The following ETV6 variants were observed in gnomAD, a reference collection of about 807,000 sequenced individuals.
The protein encoded by ETV6 is transcription factor ETV6.
In ETV6, 16 loss-of-function variants were observed where a neutral mutation model predicts 51.1. That is an observed-to-expected ratio of 0.31 (90% confidence interval 0.21 to 0.48). ETV6 has a LOEUF of 0.48. Among genes scored for constraint, ETV6 ranks in the 20% least tolerant of loss-of-function variants. The pLI, the probability that ETV6 is intolerant of heterozygous loss-of-function variation, is 0.99. For missense variants in ETV6, 458 were observed against 594.8 expected (o/e 0.77, Z 2.39); for synonymous variants, 240 against 224.1 (o/e 1.07, Z -0.64).
chr12:11,884,409 TTTTCAACAGTG>T, intron 5 of ETV6, 25 bp from the exon 6 acceptor site: 1 of 1,612,346 alleles, frequency 6.2e-7, no homozygotes, highest in Non-Finnish European at 8.5e-7. Context: ...ACAAGAAACA[TTTTCAACAGTG>T]TTTTCTTGCC....
intron 2 of ETV6, among the ~76,000 whole-genome samples, chr12:11,822,590 G>A (rs756346426): frequency 7.2e-5 from 11 of 152,078 alleles, no homozygotes; most frequent in Non-Finnish European, 1.2e-4. Context: ...ACGGGCCTCC[G>A]GGTCTGTTAA....
chr12:11,702,390 G>T (rs1166236028), intron 1 of ETV6, among the ~76,000 whole-genome samples: 1 of 152,162 alleles, frequency 6.6e-6, no homozygotes, highest in Non-Finnish European at 1.5e-5. Context: ...AGAATGAATT[G>T]ATTTGTACAA....
At chr12:11,722,624 C>A (rs1020493752) in intron 1 of ETV6, among the ~76,000 whole-genome samples, 1 of 152,140 alleles carries the variant, frequency 6.6e-6, no homozygotes, top group Non-Finnish European at 1.5e-5. Context: ...AGAGTAAAGT[C>A]AGAAAAGCCA....
At position 11,891,131 on chromosome 12, in the gene ETV6, G is replaced by A. The variant is rs1167854389; in HGVS notation, c.*85G>A. The A allele has an allele frequency of 9.0e-7, 1 of 1,111,070 alleles. No individual in the cohort carries two copies. The highest frequency in any genetic ancestry group is 1.6e-5 in the African/African-American group (1 of 63,678). 68.8% of individuals were successfully genotyped at this position (1,111,070 alleles called of 1,614,324 possible). ...TGCTGGAAGTGTGACGGAGCAGGCGGGCTGAGGAGAGTGGAAAAGGAAGCG... is the reference window on the plus strand; with the variant it reads ...TGCTGGAAGTGTGACGGAGCAGGCGAGCTGAGGAGAGTGGAAAAGGAAGCG... On this transcript the variant is annotated 3_prime_UTR_variant, in exon 8 of 8. Coordinates refer to ENST00000396373, the MANE Select transcript of ETV6 (RefSeq NM_001987.5).
intron 4 of ETV6, among the ~76,000 whole-genome samples, chr12:11,856,739 A>T (rs1946637946): frequency 6.6e-6 from 1 of 152,232 alleles, no homozygotes; most frequent in South Asian, 2.1e-4. Flanking sequence ...TTCCAGAATC[A>T]ATACTGTTCC....
chr12:11,725,770 G>C (rs1215764535), intron 1 of ETV6, among the ~76,000 whole-genome samples: 1 of 152,118 alleles, frequency 6.6e-6, no homozygotes, highest in African/African-American at 2.4e-5. Context: ...AAAAGAGCCT[G>C]GTACCTCCCC....
Position 11,894,435 on chromosome 12 carries a change from C to T in ETV6, c.*3389C>T, listed in dbSNP as rs1374781692. ...TGAACTCTAAGATCTTGACCCAGGG[C>T]GACTTGGTTTTGCTTAAGGTGGCAT... On this transcript the variant is annotated 3_prime_UTR_variant, in exon 8 of 8. Transcript: ENST00000396373. 3.4e-5 allele frequency: 8 copies of T among 233,000 alleles called. No homozygotes were observed. Among genetic ancestry groups the T allele is most frequent in the South Asian group, 1.8e-4 (1 of 5,534 alleles). The allele number at this position is 233,000 out of a possible 1,614,324, so 14.4% of individuals were successfully genotyped here.
chr12:11,779,695 G>A (rs1380765296), intron 2 of ETV6, among the ~76,000 whole-genome samples: 1 of 152,214 alleles, frequency 6.6e-6, no homozygotes, highest in Non-Finnish European at 1.5e-5. Context: ...TTGGTGCTTA[G>A]TATGGTACCC....
chr12:11,825,300 T>A (rs1329713939), intron 2 of ETV6, among the ~76,000 whole-genome samples: 2 of 152,250 alleles, frequency 1.3e-5, no homozygotes, highest in East Asian at 3.9e-4. Context: ...GGTGATTTTT[T>A]AAAAGAGAAA....
intron 1 of ETV6, among the ~76,000 whole-genome samples, chr12:11,655,639 G>A (rs1863986371): frequency 6.6e-6 from 1 of 152,178 alleles, no homozygotes; most frequent in African/African-American, 2.4e-5. Flanking sequence ...CGATGTGCTT[G>A]GAACTGTTCC....
At chr12:11,881,994 G>T (rs1947104156) in intron 5 of ETV6, among the ~76,000 whole-genome samples, 1 of 152,174 alleles carries the variant, frequency 6.6e-6, no homozygotes, top group Non-Finnish European at 1.5e-5. Flanking sequence ...GCAAGACGGG[G>T]TGGGCAATAG....
intron 2 of ETV6, among the ~76,000 whole-genome samples, chr12:11,811,335 T>TG (rs1223100737): frequency 2.0e-5 from 3 of 152,364 alleles, no homozygotes; most frequent in African/African-American, 7.2e-5. Context: ...CAAGAAGCAG[T>TG]GTCTTTTGGA....
intron 1 of ETV6, among the ~76,000 whole-genome samples, chr12:11,655,825 T>C (rs142052405): frequency 6.6e-6 from 1 of 152,228 alleles, no homozygotes. Flanking sequence ...AAGTGTGGAC[T>C]CTCAGATGAG....
intron 1 of ETV6, among the ~76,000 whole-genome samples, chr12:11,730,599 T>C (rs2120974552): frequency 6.6e-6 from 1 of 152,310 alleles, no homozygotes; most frequent in Middle Eastern, 3.4e-3. Flanking sequence ...TGTTGCGGGG[T>C]GGACATCTGA....
intron 5 of ETV6, among the ~76,000 whole-genome samples, chr12:11,872,429 A>C (rs2739091): frequency 0.42 from 63,449 of 151,692 alleles, 13,895 homozygotes; most frequent in East Asian, 0.71. Flanking sequence ...AGACTTGAGG[A>C]GTTATTTTTC....
At chr12:11,861,568 G>A (rs1326738923) in intron 4 of ETV6, among the ~76,000 whole-genome samples, 30 of 152,162 alleles carry the variant, frequency 2.0e-4, no homozygotes, top group Admixed American at 2.0e-3. Context: ...TAGCCCTAGG[G>A]CTAGCGTGCT....
chr12:11,728,286 C>A (rs932226939), intron 1 of ETV6, among the ~76,000 whole-genome samples: 1 of 152,176 alleles, frequency 6.6e-6, no homozygotes, highest in Admixed American at 6.5e-5. Context: ...CCTGTAAGAA[C>A]AGTTTATACC....
chr12:11,807,595 A>G (rs2136413563), intron 2 of ETV6, among the ~76,000 whole-genome samples: 1 of 152,342 alleles, frequency 6.6e-6, no homozygotes, highest in East Asian at 1.9e-4. Context: ...GGGAAAGGGC[A>G]GTCTCATAAT....
chr12:11,780,735 A>G (rs1945402338), intron 2 of ETV6, among the ~76,000 whole-genome samples: 1 of 152,234 alleles, frequency 6.6e-6, no homozygotes, highest in South Asian at 2.1e-4. Flanking sequence ...AGTCCAGGTT[A>G]TGTTCCAGGG....
Sources: allele counts gnomAD v4.1 joint callset (sites outside exome capture counted in the v4.1 genomes callset), GRCh38; gene constraint gnomAD v4.1.1; transcripts MANE v1.5; gene names NCBI Gene and HGNC (gene_info 2026-07-23, HGNC 2026-07-21).